The following CMTM7 variants were observed in gnomAD, a reference collection of about 807,000 sequenced individuals.
The protein encoded by CMTM7 is CKLF-like MARVEL transmembrane domain-containing protein 7.
Under a neutral mutation model 19.3 loss-of-function variants are expected in CMTM7, and 7 were observed. That is an observed-to-expected ratio of 0.36 (90% CI 0.21 to 0.68). The LOEUF is 0.68. Among genes scored for constraint, CMTM7 ranks in the 30% least tolerant of loss-of-function variants. CMTM7 has a pLI of 0.60. For missense variants in CMTM7, 193 were observed against 232.6 expected, an observed-to-expected ratio of 0.83 and a Z score of 1.11; for synonymous variants, 87 against 99.3, an observed-to-expected ratio of 0.88 and a Z score of 0.74.
intron 1 of CMTM7, among the ~76,000 whole-genome samples, 183 bp downstream of exon 1, chr3:32,392,248 C>G (rs1035944604): frequency 6.6e-6 from 1 of 152,224 alleles, no homozygotes; most frequent in Non-Finnish European, 1.5e-5. Context: ...TGCCGCAGCC[C>G]CCGCGCTGGA....
chr3:32,392,011 G>T lies in CMTM7; in HGVS notation c.105G>T (p.Leu35=). The T allele has an allele frequency of 8.1e-7, 1 of 1,234,772 alleles. No homozygotes were observed. The highest frequency in any genetic ancestry group is 1.0e-6 in the Non-Finnish European group (1 of 987,086). 76.5% of individuals were successfully genotyped at this position (1,234,772 alleles called of 1,614,324 possible). A position where few individuals can be genotyped will look rare whatever the true frequency, so the allele number is the denominator to read the frequency against. Residue 35 remains leucine, a synonymous_variant, in exon 1 of 5, where the codon CTG becomes CTT. Transcript: ENST00000334983. ...AQPSASPLEG[L]LDLSYPRTHA... ...CCAGCGCGAGCCCCTTGGAGGGGCT[G>T]CTGGACCTCAGCTACCCCCGCACCC...
intron 1 of CMTM7, among the ~76,000 whole-genome samples, chr3:32,417,721 A>G (rs1387430661): frequency 6.6e-6 from 1 of 152,178 alleles, no homozygotes; most frequent in Non-Finnish European, 1.5e-5. Context: ...ACTTGCCAGC[A>G]TTTGATATTA....
At chr3:32,442,366 G>A (rs962983257) in intron 2 of CMTM7, among the ~76,000 whole-genome samples, 3 of 151,898 alleles carry the variant, frequency 2.0e-5, no homozygotes, top group African/African-American at 7.3e-5. Context: ...GGGCGTGGTG[G>A]CGGGTGCCTG....
chr3:32,391,898 G>A lies in CMTM7; in HGVS notation c.-9G>A. ...CCCGGGGAGGCGGCCAGCGAGCTGG[G>A]GCCGCGCAATGTCGCACGGAGCCGG... On this transcript the variant is annotated 5_prime_UTR_variant, in exon 1 of 5. Transcript: ENST00000334983. 1 of 1,218,146 alleles carries A rather than the reference G, an allele frequency of 8.2e-7. No homozygotes were observed. Among genetic ancestry groups the A allele is most frequent in the Non-Finnish European group, 1.0e-6 (1 of 979,050 alleles). 75.5% of individuals were successfully genotyped at this position (1,218,146 alleles called of 1,614,324 possible).
chr3:32,425,422 T>G (rs989251237), intron 1 of CMTM7, among the ~76,000 whole-genome samples: 5 of 151,850 alleles, frequency 3.3e-5, no homozygotes, highest in African/African-American at 4.8e-5. Context: ...AGTAAGACCC[T>G]AGCTGTATAT....
At chr3:32,427,877 C>A (rs1696457749) in intron 1 of CMTM7, among the ~76,000 whole-genome samples, 1 of 152,172 alleles carries the variant, frequency 6.6e-6, no homozygotes, top group Admixed American at 6.5e-5. Context: ...TATTAGACCT[C>A]TGTAGTGTTT....
intron 2 of CMTM7, among the ~76,000 whole-genome samples, chr3:32,444,927 A>C (rs535458796): frequency 4.6e-5 from 7 of 152,134 alleles, no homozygotes; most frequent in Admixed American, 2.0e-4. Flanking sequence ...GAACTTTTTA[A>C]ATTAAATTTG....
At chr3:32,442,643 A>G (rs530537866) in intron 2 of CMTM7, among the ~76,000 whole-genome samples, 1 of 152,102 alleles carries the variant, frequency 6.6e-6, no homozygotes, top group South Asian at 2.1e-4. Context: ...GATGATGGGT[A>G]TTGATGCTGT....
intron 1 of CMTM7, among the ~76,000 whole-genome samples, chr3:32,397,129 T>TAA (rs1251792130): frequency 3.9e-5 from 6 of 152,268 alleles, no homozygotes; most frequent in Admixed American, 3.9e-4. Context: ...GAAGTCAAAG[T>TAA]AGTTTACTAG....
chr3:32,398,699 C>G (rs569086865), intron 1 of CMTM7, among the ~76,000 whole-genome samples: 1 of 151,572 alleles, frequency 6.6e-6, no homozygotes, highest in Non-Finnish European at 1.5e-5. Flanking sequence ...GAAGAAAGAG[C>G]GTTGGCCGGC....
chr3:32,451,645 A>G, intron 3 of CMTM7: 1 of 186,648 alleles, frequency 5.4e-6, no homozygotes, highest in Non-Finnish European at 1.1e-5. Context: ...TGTTGTTCAC[A>G]AGCAAGGAAA....
At chr3:32,442,518 AAAAAAAAAAG>A (rs1200744277) in intron 2 of CMTM7, among the ~76,000 whole-genome samples, 1 of 150,320 alleles carries the variant, frequency 6.7e-6, no homozygotes, top group Non-Finnish European at 1.5e-5. Context: ...AAAAAAAAAA[AAAAAAAAAAG>A]AAGAAGGCTG....
chr3:32,449,320 C>T lies in CMTM7; in HGVS notation c.334-134C>T, dbSNP rs1322504648. 7 of 735,234 alleles carry T rather than the reference C, an allele frequency of 9.5e-6. No individual in the cohort carries two copies. In the South Asian group the frequency reaches 1.1e-4, roughly 11 times the overall value. 45.5% of individuals were successfully genotyped at this position (735,234 alleles called of 1,614,324 possible). ...TGCCTGCGAGCGGCTCTGCTCATCC[C>T]ATTTGCGTGTTGCAAGGGAGAAGAG... On this transcript the variant is annotated intron_variant, in intron 2 of 4. Coordinates refer to ENST00000334983, the MANE Select transcript of CMTM7 (RefSeq NM_138410.4). This position sits in a 1 kb window ranked among gnomAD's most constrained non-coding sequence, Gnocchi z 4.5.
At chr3:32,412,909 T>A (rs1696200760) in intron 1 of CMTM7, among the ~76,000 whole-genome samples, 1 of 152,190 alleles carries the variant, frequency 6.6e-6, no homozygotes, top group African/African-American at 2.4e-5. Context: ...ATATGTACAA[T>A]CATCTAAGTG....
chr3:32,443,018 G>A (rs1251422889), intron 2 of CMTM7, among the ~76,000 whole-genome samples: 1 of 152,158 alleles, frequency 6.6e-6, no homozygotes, highest in Admixed American at 6.5e-5. Context: ...AATTGTATAT[G>A]TGGTCTTTTG....
chr3:32,392,071 T>A lies in CMTM7; in HGVS notation c.159+6T>A, dbSNP rs1272686663. 8.9e-6 allele frequency: 11 copies of A among 1,233,246 alleles called. No individual in the cohort carries two copies. The highest frequency in any genetic ancestry group is 4.2e-5 in the Admixed American group (1 of 23,646). 76.4% of individuals were successfully genotyped at this position (1,233,246 alleles called of 1,614,324 possible). A position where few individuals can be genotyped will look rare whatever the true frequency, so the allele number is the denominator to read the frequency against. The stretch of plus-strand genomic sequence containing the variant: ...TGCTGAAAGTGGCGCAAATGGTAAG[T>A]GAGCGCGGGGCGCGAGGCCGAGGTT... On this transcript the variant is annotated splice_donor_region_variant and intron_variant, in intron 1 of 4. Coordinates refer to ENST00000334983, the MANE Select transcript of CMTM7 (RefSeq NM_138410.4).
At chr3:32,452,357 G>A (rs1189400235) in intron 3 of CMTM7, 35 bp from the exon 4 acceptor site, 1 of 1,614,088 alleles carries the variant, frequency 6.2e-7, no homozygotes, top group Non-Finnish European at 8.5e-7. Context: ...TAGCCCTATG[G>A]CCTGTGAACT....
intron 1 of CMTM7, among the ~76,000 whole-genome samples, chr3:32,435,773 A>G (rs573463451): frequency 6.6e-5 from 10 of 152,260 alleles, no homozygotes; most frequent in Non-Finnish European, 1.5e-4. Flanking sequence ...GGGGAATACT[A>G]TATAGCCAAT....
chr3:32,435,793 A>G (rs1696589370), intron 1 of CMTM7, among the ~76,000 whole-genome samples: 1 of 152,260 alleles, frequency 6.6e-6, no homozygotes, highest in Non-Finnish European at 1.5e-5. Context: ...TGAAAAGAAA[A>G]AGGTAAAATT....
Sources: gnomAD v4.1 joint callset for allele counts (sites outside exome capture counted in the v4.1 genomes callset) on GRCh38, gnomAD v4.1.1 for gene constraint, Gnocchi (gnomAD v3.1) non-coding constraint, MANE v1.5 for transcripts, NCBI Gene and HGNC (gene_info 2026-07-23, HGNC 2026-07-21) for gene names.